Variants in SLC12A9 observed in about 807,000 individuals in gnomAD.
SLC12A9 encodes CCC-interacting protein 1.
SLC12A9 carries 55 observed loss-of-function variants against 66.0 expected under a neutral mutation model. That is an observed-to-expected ratio of 0.83 (90% CI 0.67 to 1.04). The LOEUF (loss-of-function observed/expected upper bound fraction) is 1.04, where lower values mean the gene tolerates loss of function less well. Ranked by LOEUF, SLC12A9 falls within the 50% of genes least tolerant of loss-of-function variation. The probability of loss-of-function intolerance (pLI) is 0.00; values close to 1 mark genes in which losing one functional copy is unlikely to be tolerated. For missense variants in SLC12A9, 1,061 were observed against 1,241.9 expected (o/e 0.85, Z 2.19); for synonymous variants, 577 against 569.0 (o/e 1.01, Z -0.20).
upstream of SLC12A9, among the ~76,000 whole-genome samples, chr7:100,851,371 C>T (rs991060053): frequency 3.3e-5 from 5 of 151,250 alleles, no homozygotes; most frequent in Admixed American, 2.0e-4. Flanking sequence ...AGTTCAGTGA[C>T]GGACAGGCCA....
chr7:100,858,754 A>G, intron 5 of SLC12A9, 81 bp from the exon 6 acceptor site: 1 of 1,306,800 alleles, frequency 7.7e-7, no homozygotes, highest in Non-Finnish European at 1.1e-6. Flanking sequence ...GACCGTGGGA[A>G]TGTGTGGAGA....
Position 100,861,927 on chromosome 7 carries a change from A to T in SLC12A9, c.1711+16A>T. On this transcript the variant is annotated intron_variant, in intron 12 of 13. Coordinates refer to ENST00000354161, the MANE Select transcript of SLC12A9 (RefSeq NM_020246.4). The surrounding 1 kb of genome is among the most constrained non-coding windows in gnomAD (Gnocchi z 5.3). ...GGAGACCTCGGTGAGCTGCCCTCCC[A>T]CTCACTCACTCACTCCCATCCTTCT... 6.5e-7 allele frequency: 1 copy of T among 1,539,554 alleles called. No individual in the cohort carries two copies. The highest frequency in any genetic ancestry group is 8.8e-7 in the Non-Finnish European group (1 of 1,140,192).
chr7:100,861,517 C>T lies in SLC12A9; in HGVS notation c.1469C>T (p.Ala490Val). 1.2e-6 allele frequency: 2 copies of T among 1,613,842 alleles called. No individual in the cohort carries two copies. The highest frequency in any genetic ancestry group is 1.3e-5 in the African/African-American group (1 of 75,058). ...GSLLLMGLLA[A>V]LLTARGGPSS... Reference sequence around the variant, plus strand: ...CTGCTCCTCATGGGTCTGCTGGCTGCCCTGCTCACCGCGCGAGGAGGCCCC... The same window carrying T: ...CTGCTCCTCATGGGTCTGCTGGCTGTCCTGCTCACCGCGCGAGGAGGCCCC... The change falls in exon 11 of 14, where the codon GCC becomes GTC. Residue 490 changes from alanine (A) to valine (V), a missense_variant. Coordinates refer to ENST00000354161, the MANE Select transcript of SLC12A9 (RefSeq NM_020246.4). This position sits in a 1 kb window ranked among gnomAD's most constrained non-coding sequence, Gnocchi z 5.3.
At position 100,866,320 on chromosome 7, in the gene SLC12A9, T is replaced by C. The variant is rs1417022355; in HGVS notation, c.2460T>C (p.Phe820=). 9.3e-6 allele frequency: 14 copies of C among 1,509,462 alleles called. No individual in the cohort carries two copies. Among genetic ancestry groups the C allele is most frequent in the Non-Finnish European group, 1.2e-5 (13 of 1,126,300 alleles). The allele number at this position is 1,509,462 out of a possible 1,614,324, so 93.5% of individuals were successfully genotyped here. Residue 820 remains phenylalanine (F), a synonymous_variant, in exon 14 of 14, where the codon TTT becomes TTC. Transcript: ENST00000354161. This position sits in a 1 kb window ranked among gnomAD's most constrained non-coding sequence, Gnocchi z 7.3. ...CCGAGGCGGAGGAGGAAGGGGACTT[T>C]GTGAACAGTGGGCGGGGAGACGCAG... ...GEPEAEEEGD[F]VNSGRGDAEA...
rs746732316 is a variant in SLC12A9, at chr7:100,861,779, G to A, written c.1579G>A (p.Val527Met). 9 of 1,613,960 alleles carry A rather than the reference G, an allele frequency of 5.6e-6. No homozygotes were observed. The highest frequency in any genetic ancestry group is 3.3e-5 in the Admixed American group (2 of 60,010). Residue 527 changes from valine to methionine, a missense_variant, in exon 12 of 14, where the codon GTG (valine) becomes ATG (methionine). Coordinates refer to ENST00000354161, the MANE Select transcript of SLC12A9 (RefSeq NM_020246.4). The surrounding 1 kb of genome is among the most constrained non-coding windows in gnomAD (Gnocchi z 5.3). Reference sequence around the variant, plus strand: ...TCGGCTGGACGTCCGGAAGGATCACGTGAAGTTCTGGCGGCCCCAGCTGCT... The same window carrying A: ...TCGGCTGGACGTCCGGAAGGATCACATGAAGTTCTGGCGGCCCCAGCTGCT... ...LLRLDVRKDH[V>M]KFWRPQLLLL... is the part of the protein sequence containing the mutation.
intron 1 of SLC12A9, among the ~76,000 whole-genome samples, chr7:100,830,207 C>T (rs1057460318): frequency 1.3e-5 from 2 of 151,758 alleles, no homozygotes; most frequent in African/African-American, 4.8e-5. Context: ...CAAAACTTAG[C>T]CAGGTGTGGT....
In SLC12A9 at chr7:100,859,775, A is replaced by G. The variant is rs1814627585; in HGVS notation, c.978-110A>G. On this transcript the variant is annotated intron_variant, in intron 7 of 13. Transcript: ENST00000354161. ...CAAGGCTGCCCAATGAATACCAGGC[A>G]TATCCCTTTAGCACATTTGATATCT... The G allele has an allele frequency of 1.1e-5, 14 of 1,302,260 alleles. No homozygotes were observed. In the East Asian group the frequency reaches 3.0e-4, roughly 28 times the overall value. The allele number at this position is 1,302,260 out of a possible 1,614,324, so 80.7% of individuals were successfully genotyped here. A position where few individuals can be genotyped will look rare whatever the true frequency, so the allele number is the denominator to read the frequency against.
At chr7:100,859,204 T>C in intron 7 of SLC12A9, 43 bp downstream of exon 7, 2 of 1,570,434 alleles carry the variant, frequency 1.3e-6, no homozygotes, top group Non-Finnish European at 1.7e-6. Flanking sequence ...ACAAGATTGG[T>C]GCACCTGGGT....
chr7:100,855,753 C>A lies in SLC12A9; in HGVS notation c.364C>A (p.Leu122Ile), dbSNP rs1814351198. Reference protein sequence around the residue: ...LGPEVGGSIGLMFYLANVCGC... With the variant: ...LGPEVGGSIGIMFYLANVCGC... Reference sequence around the variant, plus strand: ...GCCCGAGGTCGGGGGCAGCATTGGGCTCATGTTCTACCTGGCTAACGTCTG... The same window carrying A: ...GCCCGAGGTCGGGGGCAGCATTGGGATCATGTTCTACCTGGCTAACGTCTG... The change falls in exon 4 of 14, where the codon CTC becomes ATC. Residue 122 changes from leucine to isoleucine, a missense_variant. Coordinates refer to ENST00000354161, the MANE Select transcript of SLC12A9 (RefSeq NM_020246.4). 6.2e-7 allele frequency: 1 copy of A among 1,614,056 alleles called. No homozygotes were observed. The highest frequency in any genetic ancestry group is 1.7e-5 in the Admixed American group (1 of 59,984).
intron 13 of SLC12A9, among the ~76,000 whole-genome samples, chr7:100,863,346 A>G (rs1209985107): frequency 1.3e-5 from 2 of 151,312 alleles, no homozygotes; most frequent in Non-Finnish European, 2.9e-5. Flanking sequence ...GATTACAGGC[A>G]TGTACCACTG....
chr7:100,850,336 C>T (rs112934398), upstream of SLC12A9, among the ~76,000 whole-genome samples: 59 of 151,270 alleles, frequency 3.9e-4, no homozygotes, highest in African/African-American at 1.4e-3. Flanking sequence ...CATAGCTCAC[C>T]ACAGCCTCCA....
In SLC12A9 at chr7:100,857,001, C is replaced by T. The variant is rs748392389; in HGVS notation, c.582C>T (p.Phe194=). The change falls in exon 5 of 14, where the codon TTC becomes TTT. Residue 194 remains phenylalanine (F), a synonymous_variant. Coordinates refer to ENST00000354161, the MANE Select transcript of SLC12A9 (RefSeq NM_020246.4). Reference sequence around the variant, plus strand: ...CCGGCCTCTATGCCCGGGCCTCATTCCTCACATTCCTGCTGGTCTCTGGCT... The same window carrying T: ...CCGGCCTCTATGCCCGGGCCTCATTTCTCACATTCCTGCTGGTCTCTGGCT... ...LGAGLYARAS[F]LTFLLVSGSL... The T allele has an allele frequency of 3.1e-6, 5 of 1,614,176 alleles. No homozygotes were observed. The highest frequency in any genetic ancestry group is 4.2e-6 in the Non-Finnish European group (5 of 1,180,038).
At chr7:100,846,521 C>T (rs907998868) in intron 1 of SLC12A9, among the ~76,000 whole-genome samples, 5 of 151,522 alleles carry the variant, frequency 3.3e-5, no homozygotes, top group Non-Finnish European at 7.4e-5. Context: ...GAGCCGAGAT[C>T]GCGCCACTGC....
upstream of SLC12A9, among the ~76,000 whole-genome samples, chr7:100,849,322 G>A (rs1814005922): frequency 6.6e-6 from 1 of 152,044 alleles, no homozygotes; most frequent in Non-Finnish European, 1.5e-5. Flanking sequence ...ACAGCTCACT[G>A]CACCCTCAAC....
intron 1 of SLC12A9, among the ~76,000 whole-genome samples, chr7:100,828,659 T>C (rs1813479293): frequency 6.6e-6 from 1 of 151,412 alleles, no homozygotes; most frequent in Non-Finnish European, 1.5e-5. Context: ...TTGGGGGGGC[T>C]TCCCCGCCGC....
intron 3 of SLC12A9, 88 bp from the exon 4 acceptor site, chr7:100,855,618 A>G (rs758525251): frequency 1.0e-4 from 160 of 1,580,460 alleles, no homozygotes; most frequent in Non-Finnish European, 1.3e-4. Flanking sequence ...GCCTGGCTGC[A>G]CTTGGGTTCA....
intron 1 of SLC12A9, among the ~76,000 whole-genome samples, chr7:100,834,698 A>T (rs1250675214): frequency 6.6e-6 from 1 of 152,116 alleles, no homozygotes; most frequent in Non-Finnish European, 1.5e-5. Context: ...CCTGGGCAAC[A>T]TGATGAATCC....
intron 1 of SLC12A9, among the ~76,000 whole-genome samples, chr7:100,832,459 G>A (rs1813562199): frequency 2.0e-5 from 3 of 152,118 alleles, no homozygotes. Flanking sequence ...GCTGCAGGGA[G>A]CCGTGATGGC....
At chr7:100,860,520 T>A (rs1814684110) in intron 9 of SLC12A9, 1 of 448,098 alleles carries the variant, frequency 2.2e-6, no homozygotes, top group Admixed American at 4.1e-5. Context: ...ATACTAGTAT[T>A]TTTCAGTATT....
Sources: allele counts gnomAD v4.1 joint callset (sites outside exome capture counted in the v4.1 genomes callset), GRCh38; gene constraint gnomAD v4.1.1; non-coding constraint Gnocchi (gnomAD v3.1); transcripts MANE v1.5; gene names NCBI Gene and HGNC (gene_info 2026-07-23, HGNC 2026-07-21).